Variants in COA1 observed in about 807,000 individuals in gnomAD.
The protein encoded by COA1 is cytochrome c oxidase assembly factor 1, also known as cytochrome c oxidase assembly factor 1 homolog.
In COA1, 13 loss-of-function variants were observed where a neutral mutation model predicts 16.0. That is an observed-to-expected ratio of 0.81 (90% CI 0.53 to 1.29). The LOEUF is 1.29. Ranked by LOEUF, COA1 falls within the 50% of genes most tolerant of loss-of-function variation. The pLI, the probability that COA1 is intolerant of heterozygous loss-of-function variation, is 0.00. For synonymous variants in COA1, 65 were observed against 65.7 expected (o/e 0.99, Z 0.05); for missense variants, 179 against 177.0 (o/e 1.01, Z -0.06).
intron 6 of COA1, among the ~76,000 whole-genome samples, chr7:43,617,120 G>A (rs932389387): frequency 1.8e-4 from 28 of 152,064 alleles, no homozygotes; most frequent in Admixed American, 8.5e-4. Flanking sequence ...AAAGTGTCCC[G>A]TGGGACCCAG....
At chr7:43,681,887 A>G (rs2093784623) in intron 1 of COA1, among the ~76,000 whole-genome samples, 1 of 152,148 alleles carries the variant, frequency 6.6e-6, no homozygotes. Context: ...TCTTCTTAAC[A>G]CCACATCTAC....
At chr7:43,641,691 TC>T (rs1331400873) in intron 4 of COA1, 2 of 152,130 alleles carry the variant, frequency 1.3e-5, no homozygotes, top group African/African-American at 4.8e-5. Flanking sequence ...TCTCAGTTTC[TC>T]CTTCATCCCC....
At chr7:43,653,598 C>T (rs1396989556) in intron 1 of COA1, among the ~76,000 whole-genome samples, 2 of 152,008 alleles carry the variant, frequency 1.3e-5, no homozygotes, top group Admixed American at 6.6e-5. Context: ...AAAGGCTTAC[C>T]GTAACCCTTT....
At chr7:43,715,049 A>AAAAT (rs2095358626) in intron 1 of COA1, among the ~76,000 whole-genome samples, 2 of 151,494 alleles carry the variant, frequency 1.3e-5, no homozygotes, top group Non-Finnish European at 2.9e-5. Context: ...ATTTAATACA[A>AAAAT]AAATAAATGC....
intron 6 of COA1, chr7:43,632,778 G>C (rs2085306789): frequency 6.6e-6 from 1 of 152,062 alleles, no homozygotes; most frequent in South Asian, 2.1e-4. Flanking sequence ...TGAACTCCTG[G>C]CATCAAGCAA....
downstream of COA1, among the ~76,000 whole-genome samples, chr7:43,635,057 C>T (rs2085636012): frequency 6.6e-6 from 1 of 152,118 alleles, no homozygotes; most frequent in Admixed American, 6.6e-5. Context: ...CTTGTTTCTT[C>T]TACTTTGTTT....
chr7:43,634,002 G>A (rs1161110350), intron 6 of COA1, among the ~76,000 whole-genome samples: 3 of 152,082 alleles, frequency 2.0e-5, no homozygotes, highest in Admixed American at 2.0e-4. Flanking sequence ...CCCATCCAGT[G>A]AGATTTTTGT....
chr7:43,728,964 CCT>C (rs1212956415), intron 1 of COA1, among the ~76,000 whole-genome samples: 4 of 152,154 alleles, frequency 2.6e-5, no homozygotes, highest in African/African-American at 9.7e-5. Flanking sequence ...GCAGTCAGCC[CCT>C]GTTGGGAGGG....
intron 6 of COA1, among the ~76,000 whole-genome samples, chr7:43,616,668 C>T (rs899507680): frequency 1.3e-4 from 20 of 152,132 alleles, no homozygotes; most frequent in East Asian, 1.9e-4. Flanking sequence ...GAGGCTGAGA[C>T]GGGCGGATCA....
At chr7:43,629,497 G>A (rs2084956290) in intron 6 of COA1, among the ~76,000 whole-genome samples, 1 of 152,116 alleles carries the variant, frequency 6.6e-6, no homozygotes, top group African/African-American at 2.4e-5. Context: ...GTATCCCTGT[G>A]TATTTCATGG....
At chr7:43,625,005 T>G in intron 6 of COA1, 1 of 613,112 alleles carries the variant, frequency 1.6e-6, no homozygotes, top group Non-Finnish European at 2.6e-6. Flanking sequence ...GAAGCCAGAT[T>G]TTAAAAGTTG....
chr7:43,710,697 T>C (rs1194922839), intron 1 of COA1, among the ~76,000 whole-genome samples: 1 of 152,136 alleles, frequency 6.6e-6, no homozygotes, highest in East Asian at 1.9e-4. Flanking sequence ...TGAACCAAAT[T>C]ACAAACAAAC....
chr7:43,614,052 A>G lies in COA1; in HGVS notation c.*134-4557T>C, dbSNP rs538656761. Among the ~76,000 whole-genome samples the G allele has an allele frequency of 9.2e-4, 140 of 152,260 alleles. 1 individual carries two copies. Among genetic ancestry groups the G allele is most frequent in the African/African-American group, 3.2e-3 (135 of 41,548 alleles). ...ACTCTAACCTGGGTTTTAATAGTTA[A>G]TATACTAGAACTTTAATTGTCTGAT... On this transcript the variant is annotated intron_variant and NMD_transcript_variant, in intron 6 of 6. Transcript: ENST00000415076.
intron 1 of COA1, among the ~76,000 whole-genome samples, chr7:43,686,026 T>C (rs965858564): frequency 6.6e-6 from 1 of 152,234 alleles, no homozygotes; most frequent in Non-Finnish European, 1.5e-5. Flanking sequence ...GTAGTTTATT[T>C]ACAGAGAAAC....
Position 43,648,493 on chromosome 7 carries a change from C to T in COA1, c.15+107G>A, listed in dbSNP as rs775891185. On this transcript the variant is annotated intron_variant, in intron 2 of 5. Coordinates refer to ENST00000223336, the MANE Select transcript of COA1 (RefSeq NM_018224.4). ...TTAAAGCACAAGTGAACCCTAAAGA[C>T]CAGGAGAAGCCCATAACTATTCAGG... The T allele has an allele frequency of 7.7e-6, 9 of 1,169,738 alleles. No individual in the cohort carries two copies. In the East Asian group the frequency reaches 2.1e-4, roughly 27 times the overall value. 72.5% of individuals were successfully genotyped at this position (1,169,738 alleles called of 1,614,324 possible). A position where few individuals can be genotyped will look rare whatever the true frequency, so the allele number is the denominator to read the frequency against.
At chr7:43,677,800 T>TAAAAAAAAA (rs11310207) in intron 1 of COA1, among the ~76,000 whole-genome samples, 1 of 116,832 alleles carries the variant, frequency 8.6e-6, no homozygotes, top group African/African-American at 3.4e-5. Context: ...GGCTCTGTCT[T>TAAAAAAAAA]AAAAAAAAAA....
At chr7:43,623,753 CT>C (rs1368759370) in intron 6 of COA1, 1 of 1,606,250 alleles carries the variant, frequency 6.2e-7, no homozygotes, top group Admixed American at 1.7e-5. Context: ...GGAATATCAC[CT>C]TTCTTAGGCA....
chr7:43,666,740 G>A (rs1323112514), intron 1 of COA1, among the ~76,000 whole-genome samples: 3 of 152,282 alleles, frequency 2.0e-5, no homozygotes, highest in East Asian at 3.9e-4. Flanking sequence ...TATAGAGCTG[G>A]ATGCTGAAAA....
At chr7:43,627,371 T>C (rs1214833999) in intron 6 of COA1, among the ~76,000 whole-genome samples, 1 of 152,232 alleles carries the variant, frequency 6.6e-6, no homozygotes, top group Non-Finnish European at 1.5e-5. Flanking sequence ...TAAAGGGTTA[T>C]AAAGATCACT....
Sources: allele counts gnomAD v4.1 joint callset (sites outside exome capture counted in the v4.1 genomes callset), GRCh38; gene constraint gnomAD v4.1.1; transcripts MANE v1.5; gene names NCBI Gene and HGNC (gene_info 2026-07-23, HGNC 2026-07-21).